The following RGS12 variants were observed in gnomAD, a reference collection of about 807,000 sequenced individuals.
RGS12 encodes regulator of G protein signaling 12.
In RGS12, 66 loss-of-function variants were observed where a neutral mutation model predicts 120.1. The observed-to-expected ratio is 0.55, with a 90% confidence interval of 0.45 to 0.67. The LOEUF (loss-of-function observed/expected upper bound fraction) is 0.67, where lower values mean the gene tolerates loss of function less well. Ranked by LOEUF, RGS12 falls within the 30% of genes least tolerant of loss-of-function variation. The pLI is 0.00. For synonymous variants in RGS12, 827 were observed against 804.7 expected, an observed-to-expected ratio of 1.03 and a Z score of -0.47; for missense variants, 1,859 against 1,957.7, an observed-to-expected ratio of 0.95 and a Z score of 0.95.
chr4:3,288,772 G>T (rs1315555244), upstream of RGS12, among the ~76,000 whole-genome samples: 2 of 152,208 alleles, frequency 1.3e-5, no homozygotes, highest in African/African-American at 4.8e-5. The surrounding 1 kb of genome is among the most constrained non-coding windows in gnomAD (Gnocchi z 5.2). Context: ...CTGGGCCTTT[G>T]CACCGATTCC....
rs144400688 is a variant in RGS12 at position 3,430,766 on chromosome 4, G to A, written c.3925G>A (p.Ala1309Thr). Residue 1309 changes from alanine (A) to threonine (T), a missense_variant, in exon 17 of 18, where the codon GCG (alanine) becomes ACG (threonine). Physicochemically the swap from Ala to Thr is moderately conservative, Grantham distance 58. This residue lies in a region of RGS12 where 517 missense variants were observed against 488.5 expected (regional missense o/e 1.06). Coordinates refer to ENST00000336727, the MANE Select transcript of RGS12 (RefSeq NM_001394154.1). ...CACTCCCCAGTCCCCCGTCTCCCTC[G>A]CGCAGGAGGGCACCGCCCAGATCTG... ...FCTPQSPVSL[A>T]QEGTAQIWKR... The A allele has an allele frequency of 1.1e-5, 18 of 1,609,878 alleles. No homozygotes were observed. The highest frequency in any genetic ancestry group is 1.6e-4 in the Middle Eastern group (1 of 6,062).
intron 2 of RGS12, among the ~76,000 whole-genome samples, chr4:3,319,833 C>T (rs899445272): frequency 1.1e-4 from 16 of 152,334 alleles, no homozygotes; most frequent in African/African-American, 3.8e-4. Context: ...TCTGGATTCT[C>T]AGGGAGGTGC....
chr4:3,300,625 T>C (rs1723632318), intron 1 of RGS12, among the ~76,000 whole-genome samples: 1 of 152,166 alleles, frequency 6.6e-6, no homozygotes, highest in African/African-American at 2.4e-5. Flanking sequence ...CTGTGACCCC[T>C]CCGAAGGCTT....
At chr4:3,424,867 C>G (rs994325470) in intron 13 of RGS12, among the ~76,000 whole-genome samples, 2 of 152,228 alleles carry the variant, frequency 1.3e-5, no homozygotes, top group South Asian at 4.1e-4. Context: ...CCCAGCGGAC[C>G]AGCCCCTTCA....
At position 3,439,527 on chromosome 4, in the gene RGS12, CGCCCGGGCGG is replaced by C. The variant is rs770599096; in HGVS notation, c.4189_4198del (p.Pro1397MetfsTer4). The stretch of plus-strand genomic sequence containing the variant: ...GATGTGGATCTTGTAACTGGCTCGG[CGCCCGGGCGG>C]GATGGTGGCATAGCGGGGGCACAGG... On this transcript the variant is annotated frameshift_variant, in exon 18 of 18. Coordinates refer to ENST00000336727, the MANE Select transcript of RGS12 (RefSeq NM_001394154.1). LOFTEE classifies it low-confidence loss of function (END_TRUNC). 6 of 1,612,598 alleles carry C rather than the reference CGCCCGGGCGG, an allele frequency of 3.7e-6. No individual in the cohort carries two copies. The highest frequency in any genetic ancestry group is 1.3e-5 in the African/African-American group (1 of 74,928).
chr4:3,414,290 AGACT>A, intron 5 of RGS12, 49 bp downstream of exon 5: 1 of 1,482,960 alleles, frequency 6.7e-7, no homozygotes, highest in Non-Finnish European at 9.0e-7. Context: ...TGCTCTGCAG[AGACT>A]ACCGAGCAGG....
chr4:3,423,030 G>C, intron 12 of RGS12, 52 bp downstream of exon 12: 1 of 1,446,480 alleles, frequency 6.9e-7, no homozygotes, highest in South Asian at 1.1e-5. Context: ...CCAACCCCGT[G>C]TGCCCACCAC....
intron 3 of RGS12, among the ~76,000 whole-genome samples, chr4:3,375,689 GCCTCATCTCCAGC>G: frequency 3.5e-5 from 2 of 57,238 alleles, no homozygotes; most frequent in South Asian, 8.3e-4. Context: ...CTCATCTCCA[GCCTCATCTCCAGC>G]CCTCATCTCC....
intron 4 of RGS12, among the ~76,000 whole-genome samples, chr4:3,399,755 G>C (rs929650185): frequency 6.6e-6 from 1 of 152,208 alleles, no homozygotes; most frequent in Non-Finnish European, 1.5e-5. Context: ...GTCAGCTTAG[G>C]CTAAGTAATA....
chr4:3,364,498 T>C (rs1294573018), intron 3 of RGS12, among the ~76,000 whole-genome samples: 1 of 152,060 alleles, frequency 6.6e-6, no homozygotes, highest in Non-Finnish European at 1.5e-5. Flanking sequence ...CTTTGGGAGC[T>C]TGCCCTCTGC....
chr4:3,322,993 G>C lies in RGS12; in HGVS notation c.1881+4942G>C, dbSNP rs3749557. On this transcript the variant is annotated intron_variant, in intron 2 of 17. Coordinates refer to ENST00000336727, the MANE Select transcript of RGS12 (RefSeq NM_001394154.1). ...ACCTTATGGGTGTACTGGAGTACCC[G>C]AGAGCTACATCTGAGTGAGATAGTG... 3.3e-4 allele frequency among the ~76,000 whole-genome samples: 51 copies of C among 152,308 alleles called. No individual in the cohort carries two copies. In the East Asian group the frequency reaches 9.3e-3, roughly 28 times the overall value.
intron 1 of RGS12, among the ~76,000 whole-genome samples, chr4:3,294,817 G>A (rs1443911462): frequency 2.6e-5 from 4 of 152,252 alleles, no homozygotes; most frequent in African/African-American, 7.2e-5. Context: ...CAGAGCAGAG[G>A]GAGGAGCGAC....
the RGS12 span, among the ~76,000 whole-genome samples, chr4:3,287,876 C>T: frequency 6.6e-6 from 1 of 152,170 alleles, no homozygotes; most frequent in Non-Finnish European, 1.5e-5. Context: ...CCCACGGGGC[C>T]TGGGTGGGGG....
chr4:3,335,532 C>T (rs1008679094), intron 2 of RGS12, among the ~76,000 whole-genome samples: 8 of 152,150 alleles, frequency 5.3e-5, no homozygotes, highest in Admixed American at 2.0e-4. Context: ...CAGGGGCGCT[C>T]CCCGGAGCTG....
intron 3 of RGS12, chr4:3,378,729 GGTT>G (rs970640043): frequency 6.6e-6 from 1 of 152,204 alleles, no homozygotes; most frequent in Non-Finnish European, 1.5e-5. Context: ...TCTGTAGAAT[GGTT>G]GTTATCAGAA....
intron 4 of RGS12, among the ~76,000 whole-genome samples, chr4:3,395,333 C>T (rs1286062418): frequency 3.3e-5 from 5 of 152,170 alleles, no homozygotes; most frequent in African/African-American, 1.2e-4. Context: ...TAGCTGTGGA[C>T]TGTCCATGGT....
At chr4:3,290,478 T>C (rs1001003125), upstream of RGS12, among the ~76,000 whole-genome samples, 5 of 152,244 alleles carry the variant, frequency 3.3e-5, no homozygotes, top group African/African-American at 1.2e-4. Flanking sequence ...ATCTGTCCTT[T>C]GTGACGAGCT....
intron 1 of RGS12, among the ~76,000 whole-genome samples, chr4:3,299,649 T>C (rs1723568466): frequency 6.6e-6 from 1 of 152,208 alleles, no homozygotes; most frequent in African/African-American, 2.4e-5. Flanking sequence ...AGCGTTCAAG[T>C]GATCAGGGAG....
chr4:3,429,448 ACCTC>A lies in RGS12; in HGVS notation c.3565+739_3565+742del, dbSNP rs569986201. Among the ~76,000 whole-genome samples, 18 of 151,828 alleles carry A rather than the reference ACCTC, an allele frequency of 1.2e-4. No individual in the cohort carries two copies. In the South Asian group the frequency reaches 3.5e-3, roughly 30 times the overall value. On this transcript the variant is annotated intron_variant, in intron 16 of 17. Coordinates refer to ENST00000336727, the MANE Select transcript of RGS12 (RefSeq NM_001394154.1). The stretch of plus-strand genomic sequence containing the variant: ...TGACCTCACGGTAAAACTAAAACAC[ACCTC>A]CAGCCTTTGTTGGCCACCGAGCACA...
Sources: allele counts gnomAD v4.1 joint callset (sites outside exome capture counted in the v4.1 genomes callset), GRCh38; gene constraint gnomAD v4.1.1; regional missense constraint gnomAD v4.1.1; non-coding constraint Gnocchi (gnomAD v3.1); transcripts MANE v1.5; gene names NCBI Gene and HGNC (gene_info 2026-07-23, HGNC 2026-07-21).